AKAP13: variants seen among roughly 807,000 people sequenced by gnomAD.
The protein encoded by AKAP13 is A-kinase anchor protein 13.
A neutral mutation model predicts 264.5 loss-of-function variants in AKAP13; 80 were observed. That is an observed-to-expected ratio of 0.30 (90% CI 0.25 to 0.36). The LOEUF (loss-of-function observed/expected upper bound fraction) is 0.36. Among genes scored for constraint, AKAP13 ranks in the 10% least tolerant of loss-of-function variants. AKAP13 has a pLI of 1.00. For missense variants in AKAP13, 3,712 were observed against 3,435.2 expected, an observed-to-expected ratio of 1.08 and a Z score of -2.01; for synonymous variants, 1,380 against 1,250.2, an observed-to-expected ratio of 1.10 and a Z score of -2.19.
intron 2 of AKAP13, among the ~76,000 whole-genome samples, chr15:85,495,040 A>G (rs955443259): frequency 6.6e-6 from 1 of 152,198 alleles, no homozygotes; most frequent in African/African-American, 2.4e-5. Flanking sequence ...TGAAGGAAGT[A>G]GTCAAGATAA....
chr15:85,612,981 A>G (rs572064056), intron 8 of AKAP13, among the ~76,000 whole-genome samples: 19 of 152,282 alleles, frequency 1.2e-4, no homozygotes, highest in Admixed American at 1.2e-3. Flanking sequence ...TACATGTGAG[A>G]AGAAGTTCTT....
At chr15:85,671,800 G>A (rs935938167) in intron 14 of AKAP13, among the ~76,000 whole-genome samples, 1 of 152,084 alleles carries the variant, frequency 6.6e-6, no homozygotes, top group East Asian at 1.9e-4. Context: ...TCAGCTCAGC[G>A]TCCCCTCCTT....
intron 1 of AKAP13, among the ~76,000 whole-genome samples, chr15:85,464,878 A>G (rs1339846720): frequency 6.6e-6 from 1 of 152,174 alleles, no homozygotes; most frequent in Non-Finnish European, 1.5e-5. Context: ...GAAACCAGAG[A>G]CTAAACTGTA....
intron 33 of AKAP13, among the ~76,000 whole-genome samples, chr15:85,738,017 G>T (rs1373034779): frequency 6.6e-6 from 1 of 152,136 alleles, no homozygotes; most frequent in Non-Finnish European, 1.5e-5. Flanking sequence ...AGACCTGTTT[G>T]TTTTTCAGAC....
chr15:85,412,176 G>A (rs748944219), intron 1 of AKAP13, among the ~76,000 whole-genome samples: 12 of 152,138 alleles, frequency 7.9e-5, no homozygotes, highest in Admixed American at 2.0e-4. Context: ...ATGTAACAGA[G>A]TACAAAACGG....
chr15:85,646,846 T>A (rs973368373), intron 10 of AKAP13, among the ~76,000 whole-genome samples: 1 of 152,216 alleles, frequency 6.6e-6, no homozygotes, highest in African/African-American at 2.4e-5. Flanking sequence ...TTTGCTTATA[T>A]TTGTTTCTAG....
At chr15:85,646,154 A>G (rs553590032) in intron 10 of AKAP13, among the ~76,000 whole-genome samples, 200 bp downstream of exon 10, 2 of 152,304 alleles carry the variant, frequency 1.3e-5, no homozygotes, top group East Asian at 3.9e-4. Flanking sequence ...TCTTTGGAGA[A>G]GGAAGCGCCA....
At chr15:85,704,828 TC>T (rs1382085413) in intron 17 of AKAP13, among the ~76,000 whole-genome samples, 3 of 152,228 alleles carry the variant, frequency 2.0e-5, no homozygotes, top group Non-Finnish European at 4.4e-5. Context: ...TTTTCTGTTT[TC>T]CCAAACAGAG....
At chr15:85,390,847 G>C (rs982357636) in intron 1 of AKAP13, among the ~76,000 whole-genome samples, 1 of 152,210 alleles carries the variant, frequency 6.6e-6, no homozygotes, top group Non-Finnish European at 1.5e-5. Flanking sequence ...GGTAAATGGG[G>C]AAGATGTGGA....
chr15:85,727,352 T>G lies in AKAP13; in HGVS notation c.7005-29T>G. 6.2e-7 allele frequency: 1 copy of G among 1,614,098 alleles called. No individual in the cohort carries two copies. The highest frequency in any genetic ancestry group is 8.5e-7 in the Non-Finnish European group (1 of 1,179,962). ...AGAGTAATTGACATCTTAGGAATTT[T>G]TTGTTCTGTCTTGTTTGGGTTGTAT... On this transcript the variant is annotated intron_variant, in intron 28 of 36. Coordinates refer to ENST00000394518, the MANE Select transcript of AKAP13 (RefSeq NM_007200.5). The surrounding 1 kb of genome is among the most constrained non-coding windows in gnomAD (Gnocchi z 5.3).
chr15:85,603,299 CAG>C (rs1263511593), intron 8 of AKAP13, among the ~76,000 whole-genome samples: 1 of 152,230 alleles, frequency 6.6e-6, no homozygotes, highest in Non-Finnish European at 1.5e-5. Context: ...GGTGTGTACT[CAG>C]AGTATGGCAG....
chr15:85,575,882 G>T (rs893177375), intron 6 of AKAP13, among the ~76,000 whole-genome samples: 1 of 152,144 alleles, frequency 6.6e-6, no homozygotes, highest in Non-Finnish European at 1.5e-5. Context: ...GCTACTTGGG[G>T]GTCTGAGGCA....
intron 8 of AKAP13, among the ~76,000 whole-genome samples, chr15:85,627,213 G>A (rs1382887774): frequency 6.6e-6 from 1 of 152,060 alleles, no homozygotes; most frequent in African/African-American, 2.4e-5. Flanking sequence ...TCAAGCTTCC[G>A]AAACCTTGTG....
At chr15:85,509,546 G>A (rs903636937) in intron 2 of AKAP13, among the ~76,000 whole-genome samples, 5 of 152,012 alleles carry the variant, frequency 3.3e-5, no homozygotes, top group African/African-American at 9.7e-5. Flanking sequence ...ATATATTTAC[G>A]TTCTCATCCT....
intron 6 of AKAP13, 129 bp from the exon 7 acceptor site, chr15:85,578,801 C>T (rs981009338): frequency 4.8e-5 from 38 of 793,600 alleles, no homozygotes; most frequent in Admixed American, 2.7e-4. Context: ...CTTTTAGATT[C>T]GCTTATCATG....
chr15:85,721,878 AGAATTTATGAG>A lies in AKAP13; in HGVS notation c.6253-109_6253-99del, dbSNP rs2087310837. On this transcript the variant is annotated intron_variant, in intron 23 of 36. Coordinates refer to ENST00000394518, the MANE Select transcript of AKAP13 (RefSeq NM_007200.5). ...TGCTGCACCATTTCATTCTTTTGGGAGAATTTATGAGGAAGCGCTCTTGACTTTTACAACTA... is the reference window on the plus strand; with the variant it reads ...TGCTGCACCATTTCATTCTTTTGGGAGAAGCGCTCTTGACTTTTACAACTA... The A allele has an allele frequency of 4.0e-6, 6 of 1,496,202 alleles. No homozygotes were observed. In the African/African-American group the frequency reaches 8.4e-5, roughly 21 times the overall value. 92.7% of individuals were successfully genotyped at this position (1,496,202 alleles called of 1,614,324 possible). A position where few individuals can be genotyped will look rare whatever the true frequency, so the allele number is the denominator to read the frequency against.
rs975995355 is a variant in AKAP13 at position 85,505,064 on chromosome 15, A to C, written c.34-16364A>C. 2.0e-5 allele frequency among the ~76,000 whole-genome samples: 3 copies of C among 152,206 alleles called. No homozygotes were observed. In the East Asian group the frequency reaches 5.8e-4, roughly 29 times the overall value. On this transcript the variant is annotated intron_variant, in intron 2 of 36. Transcript: ENST00000394518. ...AAATAGACTTGAGAGGGAGAATTGTACATTGAAACAAGAAGAACTTACACT... is the reference window on the plus strand; with the variant it reads ...AAATAGACTTGAGAGGGAGAATTGTCCATTGAAACAAGAAGAACTTACACT...
chr15:85,638,024 G>A lies in AKAP13; in HGVS notation c.4162-1350G>A, dbSNP rs140388301. On this transcript the variant is annotated intron_variant, in intron 8 of 36. Transcript: ENST00000394518. The stretch of plus-strand genomic sequence containing the variant: ...ACCCTGAGTAGCTGCGACTGCAGGC[G>A]CCTGCCACCATGCCTGGCTAATTTT... Among the ~76,000 whole-genome samples the A allele has an allele frequency of 5.2e-3, 786 of 150,002 alleles. 4 individuals are homozygous for A. The highest frequency in any genetic ancestry group is 8.1e-3 in the Non-Finnish European group (550 of 67,714).
intron 20 of AKAP13, 49 bp from the exon 21 acceptor site, chr15:85,717,241 T>C (rs1030582094): frequency 4.8e-6 from 6 of 1,246,092 alleles, no homozygotes; most frequent in Non-Finnish European, 6.9e-6. Context: ...ATGCAAGCCA[T>C]AGGTTATCAG....
Sources: gnomAD v4.1 joint callset for allele counts (sites outside exome capture counted in the v4.1 genomes callset) on GRCh38, gnomAD v4.1.1 for gene constraint, Gnocchi (gnomAD v3.1) non-coding constraint, MANE v1.5 for transcripts, NCBI Gene and HGNC (gene_info 2026-07-23, HGNC 2026-07-21) for gene names.